Variants in SEC14L3 observed in about 807,000 individuals in gnomAD.
SEC14L3 encodes SEC14 like lipid binding 3, also known as SEC14-like protein 3.
SEC14L3 carries 56 observed loss-of-function variants against 57.4 expected under a neutral mutation model. That is an observed-to-expected ratio of 0.97 (90% CI 0.79 to 1.22). SEC14L3 has a LOEUF of 1.22. Among genes scored for constraint, SEC14L3 ranks in the 50% most tolerant of loss-of-function variants. The pLI, the probability that SEC14L3 is intolerant of heterozygous loss-of-function variation, is 0.00. For synonymous variants in SEC14L3, 173 were observed against 194.4 expected (o/e 0.89, Z 0.92); for missense variants, 485 against 511.7 (o/e 0.95, Z 0.50).
intron 6 of SEC14L3, 90 bp downstream of exon 6, chr22:30,466,891 CT>C: frequency 7.9e-7 from 1 of 1,270,088 alleles, no homozygotes; most frequent in Non-Finnish European, 1.1e-6. Flanking sequence ...CATTTTTAAA[CT>C]AAATCTTGGC....
Position 30,459,232 on chromosome 22 carries a change from T to C in SEC14L3, c.*789A>G, listed in dbSNP as rs1038205489. The C allele has an allele frequency of 4.1e-6, 4 of 978,658 alleles. No individual in the cohort carries two copies. The highest frequency in any genetic ancestry group is 4.9e-6 in the Non-Finnish European group (4 of 823,954). The allele number at this position is 978,658 out of a possible 1,614,324, so 60.6% of individuals were successfully genotyped here. On this transcript the variant is annotated 3_prime_UTR_variant, in exon 12 of 12. Coordinates refer to ENST00000215812, the MANE Select transcript of SEC14L3 (RefSeq NM_174975.5). ...TACACAGAGAGCACTCGCCAAATGA[T>C]AGTTGTTTTCTTTATTATGATTATG...
chr22:30,469,915 G>A (rs1444307532), intron 4 of SEC14L3, 104 bp downstream of exon 4: 10 of 819,762 alleles, frequency 1.2e-5, no homozygotes, highest in African/African-American at 5.2e-5. Context: ...GCAGGCCTGC[G>A]GGTTCCACAG....
downstream of SEC14L3, among the ~76,000 whole-genome samples, chr22:30,458,956 G>T (rs936352887): frequency 2.6e-5 from 4 of 152,200 alleles, no homozygotes; most frequent in African/African-American, 9.7e-5. Context: ...AGTGAGCCAT[G>T]ATTGTACCAC....
chr22:30,459,886 CA>C lies in SEC14L3; in HGVS notation c.*134del. On this transcript the variant is annotated 3_prime_UTR_variant, in exon 12 of 12. Transcript: ENST00000215812. ...CTGACCACAGTAGATGAGTTTTCCC[CA>C]GGGCATCTCTTTCTGTACTCACTAA... is the stretch of plus-strand genomic sequence containing the variant. The C allele has an allele frequency of 1.4e-6, 2 of 1,424,848 alleles. No homozygotes were observed. The highest frequency in any genetic ancestry group is 4.4e-4 in the Middle Eastern group (2 of 4,534). 88.3% of individuals were successfully genotyped at this position (1,424,848 alleles called of 1,614,324 possible).
intron 4 of SEC14L3, 40 bp downstream of exon 4, chr22:30,469,979 C>T (rs201469778): frequency 9.7e-6 from 14 of 1,447,160 alleles, no homozygotes; most frequent in African/African-American, 8.5e-5. Context: ...TTGAGTGGTA[C>T]GTCCGTGAAA....
chr22:30,452,013 A>AT (rs1569224068), intron 12 of SEC14L3, among the ~76,000 whole-genome samples: 1 of 121,608 alleles, frequency 8.2e-6, no homozygotes, highest in African/African-American at 2.7e-5. Flanking sequence ...AAAAAAAGAA[A>AT]AAAGAAAAGA....
chr22:30,470,600 G>C lies in SEC14L3; in HGVS notation c.55-18C>G. 2 of 1,614,194 alleles carry C rather than the reference G, an allele frequency of 1.2e-6. No homozygotes were observed. The highest frequency in any genetic ancestry group is 1.7e-6 in the Non-Finnish European group (2 of 1,180,034). ...TCTCGGAACTGGCAAGAGAGATGCT[G>C]GTTAAAGTGGCTCTCTCACATTGAG... is the stretch of plus-strand genomic sequence containing the variant. On this transcript the variant is annotated intron_variant, in intron 1 of 11. Transcript: ENST00000215812.
Position 30,471,960 on chromosome 22 carries a change from G to A in SEC14L3, c.-2C>T, listed in dbSNP as rs147759215. 1 of 1,605,724 alleles carries A rather than the reference G, an allele frequency of 6.2e-7. No homozygotes were observed. The highest frequency in any genetic ancestry group is 1.3e-5 in the African/African-American group (1 of 74,302). The stretch of plus-strand genomic sequence containing the variant: ...CAGGTCTCCAACTCGGCCGCTCATG[G>A]TGCTGGCTGGGGCTTGAGGAGTGGT... On this transcript the variant is annotated 5_prime_UTR_variant, in exon 1 of 12. Coordinates refer to ENST00000215812, the MANE Select transcript of SEC14L3 (RefSeq NM_174975.5).
chr22:30,468,639 C>G lies in SEC14L3; in HGVS notation c.292G>C (p.Val98Leu). The G allele has an allele frequency of 3.7e-6, 6 of 1,613,908 alleles. No individual in the cohort carries two copies. The highest frequency in any genetic ancestry group is 5.1e-6 in the Non-Finnish European group (6 of 1,179,936). ...AGTGGCCCAATGATGTCATACCACA[C>G]GGGGCAGCCATCACGGTCATAGCCA... ...LCGYDRDGCP[V>L]WYDIIGPLDP... The change falls in exon 5 of 12, where the codon GTG becomes CTG. Residue 98 changes from valine to leucine, a missense_variant. By Grantham distance (32) the Val-to-Leu change is conservative. Coordinates refer to ENST00000215812, the MANE Select transcript of SEC14L3 (RefSeq NM_174975.5).
chr22:30,463,405 G>C (rs1171665851), intron 8 of SEC14L3, among the ~76,000 whole-genome samples: 2 of 152,208 alleles, frequency 1.3e-5, no homozygotes, highest in Non-Finnish European at 2.9e-5. Context: ...TTAAGGGGAA[G>C]ACCACAATGT....
chr22:30,469,913 GCGGGTTC>G (rs771373259), intron 4 of SEC14L3, 99 bp downstream of exon 4: 78 of 813,558 alleles, frequency 9.6e-5, no homozygotes, highest in Non-Finnish European at 1.3e-4. Context: ...CTGCAGGCCT[GCGGGTTC>G]CACAGGCCTC....
chr22:30,469,970 T>G, intron 4 of SEC14L3, 49 bp downstream of exon 4: 25 of 1,403,162 alleles, frequency 1.8e-5, no homozygotes, highest in Non-Finnish European at 2.2e-5. Flanking sequence ...CCAGTGACCT[T>G]GAGTGGTACG....
rs778522345 is a variant in SEC14L3 at position 30,460,096 on chromosome 22, C to T, written c.1128G>A (p.Lys376=). ...DNTYSFVHAK[K]VSFTVEVLLP... Reference sequence around the variant, plus strand: ...GCAGGACCTCCACTGTGAAGCTGACCTTCTTGGCGTGGACAAAGCTATAGG... The same window carrying T: ...GCAGGACCTCCACTGTGAAGCTGACTTTCTTGGCGTGGACAAAGCTATAGG... The change falls in exon 12 of 12, where the codon AAG becomes AAA. Residue 376 remains lysine, a synonymous_variant. Transcript: ENST00000215812. 10 of 1,614,134 alleles carry T rather than the reference C, an allele frequency of 6.2e-6. No individual in the cohort carries two copies. Among genetic ancestry groups the T allele is most frequent in the Non-Finnish European group, 7.6e-6 (9 of 1,180,002 alleles).
chr22:30,449,076 A>G, exon 13 of SEC14L3: 1 of 1,550,566 alleles, frequency 6.4e-7, no homozygotes. Flanking sequence ...AGTTACTCAC[A>G]CAGACAAAAA....
At chr22:30,453,013 C>G (rs1202634244) in intron 12 of SEC14L3, among the ~76,000 whole-genome samples, 2 of 152,208 alleles carry the variant, frequency 1.3e-5, no homozygotes, top group African/African-American at 4.8e-5. Flanking sequence ...CCACTGTGCC[C>G]AGCTGCAATG....
At chr22:30,449,462 A>G (rs921999249) in intron 12 of SEC14L3, among the ~76,000 whole-genome samples, 5 of 152,166 alleles carry the variant, frequency 3.3e-5, no homozygotes, top group Non-Finnish European at 5.9e-5. Flanking sequence ...AGCTCCACAG[A>G]ACCCTACTTG....
intron 7 of SEC14L3, among the ~76,000 whole-genome samples, chr22:30,465,438 CCAAATAACCAGCCAGCCAGTCAGT>C (rs1935388297): frequency 1.3e-5 from 2 of 151,988 alleles, no homozygotes; most frequent in African/African-American, 4.8e-5. Flanking sequence ...ATCCAACCAT[CCAAATAACCAGCCAGCCAGTCAGT>C]CAAATAACCA....
chr22:30,468,597 G>A lies in SEC14L3; in HGVS notation c.334C>T (p.Leu112Phe), dbSNP rs1334499421. The change falls in exon 5 of 12, where the codon CTC (leucine) becomes TTC (phenylalanine). Residue 112 changes from leucine to phenylalanine, a missense_variant. By Grantham distance (22) the Leu-to-Phe change is conservative (BLOSUM62 0). Transcript: ENST00000215812. ...IIGPLDPKGLLFSVTKQDLLK... is the reference protein window; with the variant it reads ...IIGPLDPKGLFFSVTKQDLLK... ...AGGTCCTGCTTGGTGACTGAGAAGA[G>A]CAACCCCTTGGGATCAAGTGGCCCA... The A allele has an allele frequency of 6.2e-7, 1 of 1,613,934 alleles. No individual in the cohort carries two copies. The highest frequency in any genetic ancestry group is 8.5e-7 in the Non-Finnish European group (1 of 1,180,022).
In SEC14L3 at chr22:30,466,543, C is replaced by G. The variant is rs189598760; in HGVS notation, c.520-149G>C. On this transcript the variant is annotated intron_variant, in intron 6 of 11. Transcript: ENST00000215812. ...TCCCCTGGCCTCTGGAGGGAACCTT[C>G]TCACCTCATACTATTATAACCATAC... The G allele has an allele frequency of 1.0e-3, 799 of 764,848 alleles. 1 individual carries two copies. The highest frequency in any genetic ancestry group is 2.3e-3 in the Admixed American group (87 of 37,440). The allele number at this position is 764,848 out of a possible 1,614,324, so 47.4% of individuals were successfully genotyped here.
Sources: allele counts gnomAD v4.1 joint callset (sites outside exome capture counted in the v4.1 genomes callset), GRCh38; gene constraint gnomAD v4.1.1; transcripts MANE v1.5; gene names NCBI Gene and HGNC (gene_info 2026-07-23, HGNC 2026-07-21).